Variants in WNT7A observed in about 807,000 individuals in gnomAD.
The protein encoded by WNT7A is Wnt family member 7A, also known as protein Wnt-7a.
WNT7A carries 16 observed loss-of-function variants against 28.2 expected under a neutral mutation model. That is an observed-to-expected ratio of 0.57 (90% CI 0.38 to 0.86). The LOEUF (loss-of-function observed/expected upper bound fraction) is 0.86, where lower values mean the gene tolerates loss of function less well. WNT7A is among the 40% of genes least tolerant of loss of function. The probability of loss-of-function intolerance (pLI) is 0.00; values close to 1 mark genes in which losing one functional copy is unlikely to be tolerated. For missense variants in WNT7A, 411 were observed against 489.7 expected (o/e 0.84, Z 1.52); for synonymous variants, 190 against 195.9 (o/e 0.97, Z 0.25).
intron 3 of WNT7A, 77 bp downstream of exon 3, chr3:13,854,455 C>T (rs1307726208): frequency 7.5e-6 from 12 of 1,607,234 alleles, no homozygotes; most frequent in African/African-American, 1.3e-5. Flanking sequence ...AACAGACACC[C>T]AGCACCAGAT....
chr3:13,833,358 C>G (rs1559296773), intron 3 of WNT7A, among the ~76,000 whole-genome samples: 1 of 152,190 alleles, frequency 6.6e-6, no homozygotes, highest in Admixed American at 6.5e-5. Flanking sequence ...CACATACTTC[C>G]CGGCACACAA....
chr3:13,816,313 C>T lies in WNT7A; in HGVS notation c.*2631G>A, dbSNP rs1040117252. 1.3e-5 allele frequency: 2 copies of T among 152,216 alleles called. No individual in the cohort carries two copies. The highest frequency in any genetic ancestry group is 2.9e-5 in the Non-Finnish European group (2 of 68,042). 9.4% of individuals were successfully genotyped at this position (152,216 alleles called of 1,614,324 possible). A position where few individuals can be genotyped will look rare whatever the true frequency, so the allele number is the denominator to read the frequency against. The stretch of plus-strand genomic sequence containing the variant: ...ATACAGTCATTACTGGGAGGATCCT[C>T]ACAACAGCCCTGTGAGGTAGGTGTT... On this transcript the variant is annotated 3_prime_UTR_variant, in exon 4 of 4. Transcript: ENST00000285018.
chr3:13,861,405 T>G (rs1267015809), intron 2 of WNT7A, among the ~76,000 whole-genome samples: 3 of 152,282 alleles, frequency 2.0e-5, no homozygotes, highest in Non-Finnish European at 2.9e-5. Context: ...ATCTACTATG[T>G]GCCAGGCACT....
In WNT7A at chr3:13,817,337, C is replaced by G. The variant is rs1694018882; in HGVS notation, c.*1607G>C. 1 of 152,380 alleles carries G rather than the reference C, an allele frequency of 6.6e-6. No individual in the cohort carries two copies. 9.4% of individuals were successfully genotyped at this position (152,380 alleles called of 1,614,324 possible). ...CAGACGCTTGGGTAGCACGGAAACA[C>G]ACAGACACATACACACACGAGTACG... is the stretch of plus-strand genomic sequence containing the variant. On this transcript the variant is annotated 3_prime_UTR_variant, in exon 4 of 4. Coordinates refer to ENST00000285018, the MANE Select transcript of WNT7A (RefSeq NM_004625.4).
chr3:13,817,423 TACACACAC>T lies in WNT7A; in HGVS notation c.*1513_*1520del, dbSNP rs56090932. On this transcript the variant is annotated 3_prime_UTR_variant, in exon 4 of 4. Transcript: ENST00000285018. ...CACTCAAGTCCCTAAGAAGATACAGTACACACACACACACACACACACACACACACACA... is the reference window on the plus strand; with the variant it reads ...CACTCAAGTCCCTAAGAAGATACAGTACACACACACACACACACACACACA... The T allele has an allele frequency of 0.07, 10,089 of 143,186 alleles. 410 individuals carry two copies. The highest frequency in any genetic ancestry group is 0.078 in the African/African-American group (3,079 of 39,700). 8.9% of individuals were successfully genotyped at this position (143,186 alleles called of 1,614,324 possible).
chr3:13,827,670 C>G (rs1393318905), intron 3 of WNT7A, among the ~76,000 whole-genome samples: 1 of 152,128 alleles, frequency 6.6e-6, no homozygotes, highest in African/African-American at 2.4e-5. Context: ...GGACATCAGA[C>G]AGCAACCTCT....
intron 2 of WNT7A, among the ~76,000 whole-genome samples, chr3:13,857,048 C>T (rs566064929): frequency 4.1e-4 from 62 of 152,076 alleles, no homozygotes; most frequent in Non-Finnish European, 7.8e-4. Flanking sequence ...ATCAGAGGGA[C>T]TAGCACAGGG....
intron 2 of WNT7A, among the ~76,000 whole-genome samples, chr3:13,869,031 T>TGA (rs200657333): frequency 1.5e-5 from 1 of 67,112 alleles, no homozygotes; most frequent in African/African-American, 6.0e-5. Context: ...AGAGAGAAAG[T>TGA]GAGAGAGAGA....
Position 13,839,985 on chromosome 3 carries a change from C to T in WNT7A, c.570+14547G>A, listed in dbSNP as rs1202450112. Among the ~76,000 whole-genome samples, 5 of 152,152 alleles carry T rather than the reference C, an allele frequency of 3.3e-5. No individual in the cohort carries two copies. In the East Asian group the frequency reaches 9.7e-4, roughly 29 times the overall value. On this transcript the variant is annotated intron_variant, in intron 3 of 3. Coordinates refer to ENST00000285018, the MANE Select transcript of WNT7A (RefSeq NM_004625.4). ...TGATCAGCCCGGGTTCAATGTCCTC[C>T]GCAGGCTTCCAAGATGCAGACAAAC...
intron 3 of WNT7A, among the ~76,000 whole-genome samples, chr3:13,836,505 G>C (rs1301171075): frequency 6.6e-6 from 1 of 152,222 alleles, no homozygotes; most frequent in Non-Finnish European, 1.5e-5. Context: ...AAGCTTCTCA[G>C]GATTCTCACA....
At chr3:13,827,304 T>C (rs996616062) in intron 3 of WNT7A, among the ~76,000 whole-genome samples, 2 of 152,164 alleles carry the variant, frequency 1.3e-5, no homozygotes, top group Non-Finnish European at 1.5e-5. Context: ...CTGCACCAGG[T>C]TGGGTGGGGC....
chr3:13,849,505 C>T (rs1694594725), intron 3 of WNT7A, among the ~76,000 whole-genome samples: 1 of 152,204 alleles, frequency 6.6e-6, no homozygotes, highest in Non-Finnish European at 1.5e-5. Context: ...GTTCACTCAA[C>T]AAATATTTCT....
chr3:13,853,802 G>A (rs1694680546), intron 3 of WNT7A, among the ~76,000 whole-genome samples: 1 of 152,218 alleles, frequency 6.6e-6, no homozygotes, highest in African/African-American at 2.4e-5. Flanking sequence ...CCATGGCCCA[G>A]CCAGGGAGCC....
chr3:13,854,184 GGGAGGGAGAGAAAAAA>G (rs1303542670), intron 3 of WNT7A, among the ~76,000 whole-genome samples: 2 of 151,990 alleles, frequency 1.3e-5, no homozygotes, highest in Non-Finnish European at 2.9e-5. Context: ...GAAGGAGGGA[GGGAGGGAGAGAAAAAA>G]GGAGGGAGAG....
intron 3 of WNT7A, among the ~76,000 whole-genome samples, chr3:13,838,537 A>C (rs1575063829): frequency 6.6e-6 from 1 of 152,210 alleles, no homozygotes. Flanking sequence ...GAGATTATGA[A>C]CTACCTAAAA....
At chr3:13,862,675 G>A (rs1694849462) in intron 2 of WNT7A, among the ~76,000 whole-genome samples, 1 of 152,182 alleles carries the variant, frequency 6.6e-6, no homozygotes, top group Non-Finnish European at 1.5e-5. Context: ...AGCTGTGTCT[G>A]GGCGGAGCTT....
intron 3 of WNT7A, 128 bp downstream of exon 3, chr3:13,854,404 C>A (rs1355358628): frequency 1.0e-5 from 15 of 1,482,856 alleles, no homozygotes; most frequent in Non-Finnish European, 1.3e-5. Context: ...GATGCCAGCA[C>A]CAAGCAGAAT....
intron 3 of WNT7A, 111 bp from the exon 4 acceptor site, chr3:13,819,534 C>T: frequency 7.2e-7 from 1 of 1,386,856 alleles, no homozygotes. Context: ...CTGGGTCTGG[C>T]TTTAGTTTTT....
In WNT7A at chr3:13,828,735, C is replaced by T. The variant is rs146241094; in HGVS notation, c.571-9312G>A. Among the ~76,000 whole-genome samples, 746 of 152,316 alleles carry T rather than the reference C, an allele frequency of 4.9e-3. 1 individual carries two copies. The highest frequency in any genetic ancestry group is 0.01 in the Middle Eastern group (3 of 294). Reference sequence around the variant, plus strand: ...CCCTCTGAAACCCCTCTGAGGTTGGCCAGCCTGGCTCCTCTGCAGGGAGTG... The same window carrying T: ...CCCTCTGAAACCCCTCTGAGGTTGGTCAGCCTGGCTCCTCTGCAGGGAGTG... On this transcript the variant is annotated intron_variant, in intron 3 of 3. Transcript: ENST00000285018.
Sources: gnomAD v4.1 joint callset for allele counts (sites outside exome capture counted in the v4.1 genomes callset) on GRCh38, gnomAD v4.1.1 for gene constraint, MANE v1.5 for transcripts, NCBI Gene and HGNC (gene_info 2026-07-23, HGNC 2026-07-21) for gene names.